Variants in MACROD2 observed in about 807,000 individuals in gnomAD.
MACROD2 encodes ADP-ribose glycohydrolase MACROD2.
A neutral mutation model predicts 70.4 loss-of-function variants in MACROD2; 36 were observed. That is an observed-to-expected ratio of 0.51 (90% CI 0.39 to 0.68). The LOEUF (loss-of-function observed/expected upper bound fraction) is 0.68, where lower values mean the gene tolerates loss of function less well. MACROD2 is among the 30% of genes least tolerant of loss of function. The pLI, the probability that MACROD2 is intolerant of heterozygous loss-of-function variation, is 0.00. For synonymous variants in MACROD2, 172 were observed against 178.8 expected (o/e 0.96, Z 0.30); for missense variants, 496 against 538.4 (o/e 0.92, Z 0.78).
chr20:15,284,096 TAA>T (rs1236682892), intron 6 of MACROD2, among the ~76,000 whole-genome samples: 2 of 152,304 alleles, frequency 1.3e-5, no homozygotes, highest in African/African-American at 4.8e-5. Flanking sequence ...CTTGATATAA[TAA>T]GTTATTATTC....
At chr20:15,517,312 T>C (rs1329380831) in intron 8 of MACROD2, among the ~76,000 whole-genome samples, 2 of 152,172 alleles carry the variant, frequency 1.3e-5, no homozygotes, top group African/African-American at 4.8e-5. Flanking sequence ...TCACACTGAC[T>C]TCTTTTATTC....
intron 6 of MACROD2, among the ~76,000 whole-genome samples, chr20:15,279,352 C>T (rs1364069488): frequency 6.6e-6 from 1 of 152,104 alleles, no homozygotes; most frequent in East Asian, 1.9e-4. Flanking sequence ...GGCTGCTTGG[C>T]CTGGCTACTT....
intron 6 of MACROD2, among the ~76,000 whole-genome samples, chr20:15,338,117 G>A (rs1193896144): frequency 6.6e-6 from 1 of 151,280 alleles, no homozygotes; most frequent in African/African-American, 2.5e-5. Context: ...ATTTATCCAA[G>A]CAATGCTTAT....
At chr20:15,111,858 T>C (rs1341295947) in intron 5 of MACROD2, among the ~76,000 whole-genome samples, 5 of 152,190 alleles carry the variant, frequency 3.3e-5, no homozygotes, top group Admixed American at 1.3e-4. Flanking sequence ...TGGCAAGTCT[T>C]TGAACTGTCA....
intron 8 of MACROD2, among the ~76,000 whole-genome samples, chr20:15,743,372 A>T (rs1345027319): frequency 6.6e-6 from 1 of 152,196 alleles, no homozygotes; most frequent in African/African-American, 2.4e-5. Context: ...CTTTTTCAGG[A>T]AGTGATACAA....
chr20:15,477,092 A>G (rs954413275), intron 7 of MACROD2, among the ~76,000 whole-genome samples: 6 of 94,022 alleles, frequency 6.4e-5, no homozygotes, highest in African/African-American at 2.5e-4. Flanking sequence ...CCTTTTCTCT[A>G]TTTTTAGTTT....
intron 5 of MACROD2, among the ~76,000 whole-genome samples, chr20:14,953,573 G>A (rs2074493179): frequency 1.3e-5 from 2 of 152,100 alleles, no homozygotes; most frequent in Non-Finnish European, 2.9e-5. Context: ...CCAAAGTTCA[G>A]GGATTACAGG....
chr20:14,775,972 T>C (rs1479616414), intron 5 of MACROD2, among the ~76,000 whole-genome samples: 1 of 152,028 alleles, frequency 6.6e-6, no homozygotes, highest in African/African-American at 2.4e-5. Context: ...AGGCAAATCT[T>C]AGTCACAACA....
chr20:14,888,262 C>A (rs1303101899), intron 5 of MACROD2: 1 of 152,238 alleles, frequency 6.6e-6, no homozygotes, highest in Non-Finnish European at 1.5e-5. Context: ...GCTTTAACAC[C>A]ATGCACCAAG....
chr20:15,753,425 T>C (rs55659268), intron 8 of MACROD2, among the ~76,000 whole-genome samples: 17,133 of 152,220 alleles, frequency 0.11, 1,101 homozygotes, highest in Admixed American at 0.14. Flanking sequence ...GCTGCATCCA[T>C]GTTGCTGCAA....
At chr20:15,310,914 G>T (rs1055294290) in intron 6 of MACROD2, among the ~76,000 whole-genome samples, 1 of 152,118 alleles carries the variant, frequency 6.6e-6, no homozygotes, top group African/African-American at 2.4e-5. Flanking sequence ...AGACATTCAG[G>T]GGAAATATTA....
At chr20:14,070,404 G>A (rs1007644007) in intron 2 of MACROD2, among the ~76,000 whole-genome samples, 1 of 152,056 alleles carries the variant, frequency 6.6e-6, no homozygotes, top group African/African-American at 2.4e-5. Flanking sequence ...CTGGTTTCAA[G>A]AAATGATCTC....
intron 10 of MACROD2, among the ~76,000 whole-genome samples, chr20:15,887,145 A>G (rs1377957556): frequency 6.6e-6 from 1 of 152,092 alleles, no homozygotes; most frequent in Non-Finnish European, 1.5e-5. Context: ...ATTTGATCTC[A>G]ATACATAAGG....
intron 3 of MACROD2, among the ~76,000 whole-genome samples, chr20:14,362,585 T>C (rs779268123): frequency 1.9e-4 from 29 of 152,152 alleles, no homozygotes; most frequent in Non-Finnish European, 3.4e-4. Flanking sequence ...TATAGTATGG[T>C]TTAATTGCTC....
intron 4 of MACROD2, among the ~76,000 whole-genome samples, chr20:14,560,308 T>TACACGC (rs1555802415): frequency 6.8e-6 from 1 of 147,350 alleles, no homozygotes. Flanking sequence ...GTACTTAATG[T>TACACGC]ACACACACAC....
chr20:15,729,354 A>C lies in MACROD2; in HGVS notation c.646-133391A>C, dbSNP rs537104377. Among the ~76,000 whole-genome samples, 3 of 152,318 alleles carry C rather than the reference A, an allele frequency of 2.0e-5. No homozygotes were observed. The South Asian group carries it at 6.2e-4, about 32-fold the overall frequency. On this transcript the variant is annotated intron_variant, in intron 8 of 17. Transcript: ENST00000684519. ...TGCCATGTGAAGATTAGAAGAATGC[A>C]TATTCTGTTCTTTTGGGGTGGAGAG...
At position 14,141,397 on chromosome 20, in the gene MACROD2, T is replaced by G. The variant is rs140342620; in HGVS notation, c.271+55669T>G. On this transcript the variant is annotated intron_variant, in intron 3 of 17. Transcript: ENST00000684519. Reference sequence around the variant, plus strand: ...TGCTAGTTTTGTTTTGGTCTTAACATTTGCCTTTCTTCATCTATAAAAGGA... The same window carrying G: ...TGCTAGTTTTGTTTTGGTCTTAACAGTTGCCTTTCTTCATCTATAAAAGGA... Among the ~76,000 whole-genome samples the G allele has an allele frequency of 7.3e-3, 1,113 of 152,290 alleles. 13 individuals carry two copies. Among genetic ancestry groups the G allele is most frequent in the African/African-American group, 0.025 (1,056 of 41,554 alleles).
chr20:14,688,425 G>C (rs1042201689), intron 5 of MACROD2, among the ~76,000 whole-genome samples: 1 of 152,126 alleles, frequency 6.6e-6, no homozygotes, highest in African/African-American at 2.4e-5. Flanking sequence ...ATAATTAGTA[G>C]AATGATAAGC....
chr20:14,076,115 A>G (rs1322174685), intron 2 of MACROD2, among the ~76,000 whole-genome samples: 2 of 152,238 alleles, frequency 1.3e-5, no homozygotes, highest in Non-Finnish European at 2.9e-5. Context: ...ATTAATTGCT[A>G]AAGTTTTAGA....
Sources: allele counts gnomAD v4.1 joint callset (sites outside exome capture counted in the v4.1 genomes callset), GRCh38; gene constraint gnomAD v4.1.1; transcripts MANE v1.5; gene names NCBI Gene and HGNC (gene_info 2026-07-23, HGNC 2026-07-21).